Variants in CCDC73 observed in about 807,000 individuals in gnomAD.
CCDC73 encodes coiled-coil domain containing 73, also known as coiled-coil domain-containing protein 73.
CCDC73 carries 95 observed loss-of-function variants against 116.5 expected under a neutral mutation model. The observed-to-expected ratio is 0.82, with a 90% confidence interval of 0.69 to 0.97. CCDC73 has a LOEUF of 0.97. Ranked by LOEUF, CCDC73 falls within the 50% of genes least tolerant of loss-of-function variation. CCDC73 has a pLI of 0.00. For missense variants in CCDC73, 1,066 were observed against 1,206.8 expected, an observed-to-expected ratio of 0.88 and a Z score of 1.73; for synonymous variants, 398 against 401.3, an observed-to-expected ratio of 0.99 and a Z score of 0.10.
At chr11:32,750,313 T>C (rs1192609494) in intron 2 of CCDC73, among the ~76,000 whole-genome samples, 1 of 152,026 alleles carries the variant, frequency 6.6e-6, no homozygotes, top group Non-Finnish European at 1.5e-5. Flanking sequence ...CAGCACTGGG[T>C]CTTACCCAAG....
intron 13 of CCDC73, among the ~76,000 whole-genome samples, chr11:32,639,428 AAGTG>A (rs1855712623): frequency 2.0e-5 from 3 of 151,870 alleles, no homozygotes; most frequent in African/African-American, 7.3e-5. Flanking sequence ...TATGCTCAAT[AAGTG>A]TTGTGAATTG....
intron 3 of CCDC73, among the ~76,000 whole-genome samples, chr11:32,704,910 T>C (rs1816393597): frequency 6.6e-6 from 1 of 152,208 alleles, no homozygotes; most frequent in Non-Finnish European, 1.5e-5. Context: ...GGTCACCCAG[T>C]GAAGCTCTTC....
chr11:32,676,959 T>A (rs760699917), intron 7 of CCDC73, among the ~76,000 whole-genome samples: 6 of 152,226 alleles, frequency 3.9e-5, no homozygotes, highest in Non-Finnish European at 8.8e-5. Flanking sequence ...TTACCATACC[T>A]GCGATATGAC....
the CCDC73 span, chr11:32,830,028 G>T: frequency 4.1e-6 from 4 of 985,984 alleles, no homozygotes; most frequent in African/African-American, 5.2e-5. Flanking sequence ...TTGCGCGCGG[G>T]GGCCATCCAG....
At chr11:32,675,797 T>C in intron 8 of CCDC73, 89 bp downstream of exon 8, 5 of 1,257,580 alleles carry the variant, frequency 4.0e-6, no homozygotes, top group South Asian at 1.4e-5. Context: ...ATTATCAGTA[T>C]TATCATAGAT....
At chr11:32,806,629 T>G in the CCDC73 span, among the ~76,000 whole-genome samples, 19 of 73,200 alleles carry the variant, frequency 2.6e-4, no homozygotes, top group Non-Finnish European at 3.8e-4. Flanking sequence ...AAGACCTGTC[T>G]CAAAAAAAAA....
intron 1 of CCDC73, among the ~76,000 whole-genome samples, chr11:32,765,800 T>G (rs1355973442): frequency 6.6e-6 from 1 of 152,136 alleles, no homozygotes; most frequent in Non-Finnish European, 1.5e-5. Context: ...GGCTCTGAAA[T>G]TGAGGCAATA....
intron 2 of CCDC73, among the ~76,000 whole-genome samples, chr11:32,729,055 T>C (rs1040255986): frequency 6.6e-6 from 1 of 151,972 alleles, no homozygotes; most frequent in Non-Finnish European, 1.5e-5. Flanking sequence ...ATGTGCAGGA[T>C]GTGCAGGTCT....
intron 2 of CCDC73, among the ~76,000 whole-genome samples, chr11:32,720,538 CAAAT>C (rs61711162): frequency 0.074 from 11,219 of 151,822 alleles, 458 homozygotes; most frequent in South Asian, 0.12. Flanking sequence ...CAGGCATACA[CAAAT>C]AAATAAACAG....
At chr11:32,667,128 G>A (rs1855991806) in intron 9 of CCDC73, among the ~76,000 whole-genome samples, 1 of 152,248 alleles carries the variant, frequency 6.6e-6, no homozygotes, top group African/African-American at 2.4e-5. Flanking sequence ...ACTTGAGGAG[G>A]CAGTCTGTCC....
chr11:32,611,910 C>CA (rs1554960745), intron 16 of CCDC73, among the ~76,000 whole-genome samples: 1 of 151,364 alleles, frequency 6.6e-6, no homozygotes, highest in Non-Finnish European at 1.5e-5. Context: ...GAAAGGACTT[C>CA]AAAAAAAATG....
At chr11:32,704,015 C>T (rs1319037513) in intron 3 of CCDC73, among the ~76,000 whole-genome samples, 1 of 152,210 alleles carries the variant, frequency 6.6e-6, no homozygotes, top group African/African-American at 2.4e-5. Context: ...AGTGGCCCAT[C>T]TGGTGCCACC....
At chr11:32,627,179 C>G (rs909907404) in intron 14 of CCDC73, among the ~76,000 whole-genome samples, 1 of 152,164 alleles carries the variant, frequency 6.6e-6, no homozygotes, top group Non-Finnish European at 1.5e-5. Context: ...AGACACTTCT[C>G]AAAAGAAGAT....
chr11:32,829,334 T>C, the CCDC73 span, among the ~76,000 whole-genome samples: 1 of 152,172 alleles, frequency 6.6e-6, no homozygotes. Flanking sequence ...CTGTACACTC[T>C]TGAGAGAATG....
intron 3 of CCDC73, among the ~76,000 whole-genome samples, chr11:32,717,061 C>A (rs574796315): frequency 6.6e-6 from 1 of 152,280 alleles, no homozygotes; most frequent in East Asian, 1.9e-4. Context: ...ATAATTCAAC[C>A]CTGATTTTAC....
upstream of CCDC73, among the ~76,000 whole-genome samples, chr11:32,798,915 T>TGGGGGG (rs35135170): frequency 7.0e-6 from 1 of 143,082 alleles, no homozygotes; most frequent in Admixed American, 7.0e-5. Context: ...TTGTTTGTTT[T>TGGGGGG]GGGGGGGGGC....
intron 14 of CCDC73, among the ~76,000 whole-genome samples, chr11:32,624,395 A>T (rs978068973): frequency 6.6e-6 from 1 of 152,156 alleles, no homozygotes; most frequent in African/African-American, 2.4e-5. Context: ...TCTTTGACCC[A>T]GCAATACCAT....
At position 32,611,154 on chromosome 11, in the gene CCDC73, T is replaced by C. The variant is rs1855418739; in HGVS notation, c.3008A>G (p.Asp1003Gly). 2 of 1,613,892 alleles carry C rather than the reference T, an allele frequency of 1.2e-6. No homozygotes were observed. The highest frequency in any genetic ancestry group is 4.5e-5 in the East Asian group (2 of 44,846). Residue 1003 changes from aspartate (D) to glycine (G), a missense_variant, in exon 17 of 18, where the codon GAT (aspartate) becomes GGT (glycine). Coordinates refer to ENST00000335185, the MANE Select transcript of CCDC73 (RefSeq NM_001008391.4). ...EKNAMAKTFY[D>G]SSFPTEHVKT... The stretch of plus-strand genomic sequence containing the variant: ...TACATGTTCTGTGGGAAAAGAGGAA[T>C]CATAAAAAGTCTTTGCCATTGCATT...
chr11:32,691,191 C>T (rs1003697793), intron 6 of CCDC73, among the ~76,000 whole-genome samples: 1 of 151,932 alleles, frequency 6.6e-6, no homozygotes, highest in African/African-American at 2.4e-5. Context: ...GCTACAGGCA[C>T]CTGCCACCAC....
Sources: gnomAD v4.1 joint callset for allele counts (sites outside exome capture counted in the v4.1 genomes callset) on GRCh38, gnomAD v4.1.1 for gene constraint, MANE v1.5 for transcripts, NCBI Gene and HGNC (gene_info 2026-07-23, HGNC 2026-07-21) for gene names.